The following KCNIP4 variants were observed in gnomAD, a reference collection of about 807,000 sequenced individuals.
KCNIP4 encodes potassium voltage-gated channel interacting protein 4, also known as Kv channel-interacting protein 4.
A neutral mutation model predicts 34.0 loss-of-function variants in KCNIP4; 12 were observed. That is an observed-to-expected ratio of 0.35 (90% confidence interval 0.23 to 0.57). KCNIP4 has a LOEUF of 0.57. Among genes scored for constraint, KCNIP4 ranks in the 20% least tolerant of loss-of-function variants. KCNIP4 has a pLI of 0.83. For missense variants in KCNIP4, 238 were observed against 311.7 expected, an observed-to-expected ratio of 0.76 and a Z score of 1.78; for synonymous variants, 124 against 102.2, an observed-to-expected ratio of 1.21 and a Z score of -1.29.
intron 1 of KCNIP4, among the ~76,000 whole-genome samples, chr4:21,839,624 A>G (rs562126463): frequency 6.1e-4 from 93 of 152,232 alleles, no homozygotes; most frequent in Non-Finnish European, 8.5e-4. Flanking sequence ...ATAGTGGCAC[A>G]TGCCTGTAAT....
chr4:21,194,593 T>C lies in KCNIP4; in HGVS notation c.62-311884A>G, dbSNP rs150213893. ...TAGGTGTGGTCATACCTTGTGGCCA[T>C]GTTCCTGAGACAGGGTAATCGGAAT... On this transcript the variant is annotated intron_variant, in intron 1 of 8. Coordinates refer to ENST00000382152, the MANE Select transcript of KCNIP4 (RefSeq NM_025221.6). 3.3e-3 allele frequency among the ~76,000 whole-genome samples: 505 copies of C among 152,350 alleles called. 4 individuals carry two copies. The highest frequency in any genetic ancestry group is 0.011 in the African/African-American group (464 of 41,580).
intron 1 of KCNIP4, among the ~76,000 whole-genome samples, chr4:21,716,977 G>A (rs1202097614): frequency 6.6e-6 from 1 of 152,186 alleles, no homozygotes; most frequent in African/African-American, 2.4e-5. Context: ...TTCCAAAGGT[G>A]AAACTACCAC....
rs558304454 is a variant in KCNIP4, at chr4:21,799,455, CAT to C, written c.61+149114_61+149115del. 2.6e-3 allele frequency among the ~76,000 whole-genome samples: 390 copies of C among 152,266 alleles called. 3 individuals carry two copies. The highest frequency in any genetic ancestry group is 9.0e-3 in the African/African-American group (376 of 41,582). On this transcript the variant is annotated intron_variant, in intron 1 of 8. Transcript: ENST00000382152. ...CTGTATTAGCTTTCGTAATCTTTGA[CAT>C]TAATATTGGTCAAAAGCTATATGAT...
At chr4:21,371,986 T>C (rs2323002) in intron 1 of KCNIP4, among the ~76,000 whole-genome samples, 3,898 of 146,872 alleles carry the variant, frequency 0.027, 371 homozygotes, top group East Asian at 0.22. Context: ...ATAAACACAA[T>C]GGGGATCTCC....
At chr4:21,671,910 C>G (rs1389056566) in intron 1 of KCNIP4, among the ~76,000 whole-genome samples, 6 of 152,116 alleles carry the variant, frequency 3.9e-5, no homozygotes, top group African/African-American at 1.4e-4. Context: ...CAAACGCATC[C>G]CACTAGAACC....
intron 1 of KCNIP4, among the ~76,000 whole-genome samples, chr4:21,180,139 AT>A (rs1176927008): frequency 6.6e-6 from 1 of 152,240 alleles, no homozygotes; most frequent in African/African-American, 2.4e-5. Flanking sequence ...CACAATGTTT[AT>A]GATAACACCA....
chr4:21,217,077 A>G (rs560168725), intron 1 of KCNIP4, among the ~76,000 whole-genome samples: 6 of 152,172 alleles, frequency 3.9e-5, no homozygotes, highest in Non-Finnish European at 8.8e-5. Flanking sequence ...TTTCATTACG[A>G]GCTACGAAGT....
rs1478185278 is a variant in KCNIP4, at chr4:21,247,906, TATAC to T, written c.62-365201_62-365198del. ...CACCACAGGTAGATATATATATATA[TATAC>T]ACACACACACATATATATATACACA... On this transcript the variant is annotated intron_variant, in intron 1 of 8. Transcript: ENST00000382152. Among the ~76,000 whole-genome samples, 437 of 135,326 alleles carry T rather than the reference TATAC, an allele frequency of 3.2e-3. 3 individuals are homozygous for T. The highest frequency in any genetic ancestry group is 0.013 in the African/African-American group (412 of 32,530). The allele number at this position is 135,326 out of a possible 152,430, so 88.8% of individuals were successfully genotyped here. A position where few individuals can be genotyped will look rare whatever the true frequency, so the allele number is the denominator to read the frequency against.
At chr4:21,722,323 G>A (rs558215108) in intron 1 of KCNIP4, among the ~76,000 whole-genome samples, 6 of 152,200 alleles carry the variant, frequency 3.9e-5, no homozygotes, top group Admixed American at 2.0e-4. Flanking sequence ...CATGTGAGGC[G>A]GGGGAGATAG....
intron 1 of KCNIP4, among the ~76,000 whole-genome samples, chr4:21,522,808 T>G (rs894785860): frequency 5.9e-5 from 9 of 152,168 alleles, no homozygotes; most frequent in Non-Finnish European, 1.5e-5. Flanking sequence ...TTGAATGGAT[T>G]AAATAAGTTG....
intron 1 of KCNIP4, among the ~76,000 whole-genome samples, chr4:21,189,031 T>C (rs141951909): frequency 0.019 from 2,862 of 152,274 alleles, 83 homozygotes; most frequent in African/African-American, 0.065. Context: ...AATTCTTAAG[T>C]TCCCTAATCA....
intron 1 of KCNIP4, among the ~76,000 whole-genome samples, chr4:21,582,678 C>T (rs1741324046): frequency 6.6e-6 from 1 of 151,824 alleles, no homozygotes; most frequent in Non-Finnish European, 1.5e-5. Flanking sequence ...TAAAATGTTT[C>T]TTTATGCAAA....
chr4:21,140,154 GC>G (rs1307353787), intron 1 of KCNIP4, among the ~76,000 whole-genome samples: 1 of 152,086 alleles, frequency 6.6e-6, no homozygotes, highest in Non-Finnish European at 1.5e-5. Flanking sequence ...ATTACAGGCA[GC>G]TACAGTATAG....
chr4:20,849,819 T>C (rs532764927), intron 3 of KCNIP4, among the ~76,000 whole-genome samples: 1 of 152,358 alleles, frequency 6.6e-6, no homozygotes, highest in Non-Finnish European at 1.5e-5. Flanking sequence ...TCTCTCCCTA[T>C]TCAGACCATA....
chr4:21,293,089 A>G (rs1299381237), intron 1 of KCNIP4, among the ~76,000 whole-genome samples: 1 of 152,208 alleles, frequency 6.6e-6, no homozygotes, highest in Non-Finnish European at 1.5e-5. Flanking sequence ...TATGTAAAAC[A>G]AATGATAATA....
intron 1 of KCNIP4, among the ~76,000 whole-genome samples, chr4:21,364,820 T>TATGA (rs1416829151): frequency 6.6e-6 from 1 of 152,138 alleles, no homozygotes; most frequent in African/African-American, 2.4e-5. Flanking sequence ...GATTTCATAG[T>TATGA]ATGAAGAGTA....
At chr4:21,846,993 C>T (rs1724059421) in intron 1 of KCNIP4, 1 of 152,076 alleles carries the variant, frequency 6.6e-6, no homozygotes, top group Non-Finnish European at 1.5e-5. Context: ...AAAAGAGATC[C>T]TGGGTAGACA....
intron 1 of KCNIP4, among the ~76,000 whole-genome samples, chr4:21,813,540 A>T (rs1188512550): frequency 6.6e-6 from 1 of 152,176 alleles, no homozygotes; most frequent in Non-Finnish European, 1.5e-5. Context: ...AACACAAGTA[A>T]AGCAATTTGA....
chr4:21,678,323 T>G (rs1750072764), intron 1 of KCNIP4, among the ~76,000 whole-genome samples: 1 of 140,218 alleles, frequency 7.1e-6, no homozygotes, highest in South Asian at 2.2e-4. Flanking sequence ...TTTTTTTTTT[T>G]GGTTTCCATC....
Sources: allele counts gnomAD v4.1 joint callset (sites outside exome capture counted in the v4.1 genomes callset), GRCh38; gene constraint gnomAD v4.1.1; transcripts MANE v1.5; gene names NCBI Gene and HGNC (gene_info 2026-07-23, HGNC 2026-07-21).